LUZP2: variants seen among roughly 807,000 people sequenced by gnomAD.
LUZP2 encodes the protein leucine zipper protein 2.
Under a neutral mutation model 51.6 loss-of-function variants are expected in LUZP2, and 52 were observed. The ratio of observed to expected loss-of-function variants is 1.01; its 90% CI spans 0.81 to 1.27. The LOEUF is 1.27. Ranked by LOEUF, LUZP2 falls within the 50% of genes most tolerant of loss-of-function variation. LUZP2 has a pLI of 0.00. For synonymous variants in LUZP2, 154 were observed against 137.3 expected, an observed-to-expected ratio of 1.12 and a Z score of -0.85; for missense variants, 436 against 395.4, an observed-to-expected ratio of 1.10 and a Z score of -0.87.
At chr11:24,664,830 G>A (rs1035486353) in intron 1 of LUZP2, among the ~76,000 whole-genome samples, 2 of 152,278 alleles carry the variant, frequency 1.3e-5, no homozygotes, top group East Asian at 3.9e-4. Flanking sequence ...ATGCCTGGAT[G>A]TCCAGGCAGG....
At chr11:24,954,064 C>A (rs1010021110) in intron 7 of LUZP2, among the ~76,000 whole-genome samples, 1 of 151,808 alleles carries the variant, frequency 6.6e-6, no homozygotes, top group African/African-American at 2.4e-5. Context: ...TTTTCCCTGC[C>A]ACTCAGTAAT....
At chr11:25,064,961 C>G (rs1439656077) in intron 10 of LUZP2, among the ~76,000 whole-genome samples, 1 of 151,992 alleles carries the variant, frequency 6.6e-6, no homozygotes, top group Non-Finnish European at 1.5e-5. Flanking sequence ...GCATTTAAAA[C>G]CATAATCATA....
At chr11:24,766,825 G>A (rs539010237) in intron 5 of LUZP2, among the ~76,000 whole-genome samples, 34 of 152,224 alleles carry the variant, frequency 2.2e-4, no homozygotes, top group African/African-American at 8.2e-4. Context: ...GCAGTGGCGC[G>A]ATCTCAGCTC....
intron 5 of LUZP2, among the ~76,000 whole-genome samples, chr11:24,872,089 T>C (rs1852094765): frequency 1.3e-5 from 2 of 152,154 alleles, no homozygotes; most frequent in African/African-American, 2.4e-5. Context: ...CTGCATGTTA[T>C]GTATATTGTC....
At chr11:24,677,424 A>G (rs1460937102) in intron 1 of LUZP2, among the ~76,000 whole-genome samples, 1 of 152,186 alleles carries the variant, frequency 6.6e-6, no homozygotes, top group Non-Finnish European at 1.5e-5. Flanking sequence ...TCGTGTAGGT[A>G]TGGTAGATCT....
intron 9 of LUZP2, among the ~76,000 whole-genome samples, chr11:24,985,310 GT>G (rs1856158136): frequency 6.6e-6 from 1 of 151,546 alleles, no homozygotes. Context: ...TTGTTTCCTT[GT>G]TTGTTTTCTA....
chr11:24,826,190 A>AAAAATATATATATATATATATAT (rs1215786412), intron 5 of LUZP2, among the ~76,000 whole-genome samples: 3 of 67,548 alleles, frequency 4.4e-5, no homozygotes, highest in African/African-American at 1.2e-4. Context: ...AAAAAAAAAA[A>AAAAATATATATATATATATATAT]ATATATATAT....
chr11:24,742,905 A>G (rs887846992), intron 4 of LUZP2, among the ~76,000 whole-genome samples: 24 of 152,082 alleles, frequency 1.6e-4, no homozygotes, highest in African/African-American at 5.8e-4. Flanking sequence ...TCATTCTCCT[A>G]TATGTGGCTA....
chr11:24,517,964 C>T (rs894116404), intron 1 of LUZP2, among the ~76,000 whole-genome samples: 3 of 151,858 alleles, frequency 2.0e-5, no homozygotes, highest in Non-Finnish European at 4.4e-5. Flanking sequence ...ATGACATATT[C>T]CAGGGATTAT....
At chr11:24,651,166 A>T (rs1030714101) in intron 1 of LUZP2, among the ~76,000 whole-genome samples, 1 of 152,110 alleles carries the variant, frequency 6.6e-6, no homozygotes, top group African/African-American at 2.4e-5. Context: ...CTTCAGTAAC[A>T]TTACTCAGCT....
intron 5 of LUZP2, chr11:24,893,287 C>A (rs1361907495): frequency 6.6e-6 from 1 of 151,814 alleles, no homozygotes; most frequent in Non-Finnish European, 1.5e-5. Flanking sequence ...AAAAATCAGA[C>A]AGATTCGATT....
chr11:24,878,897 G>T (rs1054584912), intron 5 of LUZP2, among the ~76,000 whole-genome samples: 1 of 151,890 alleles, frequency 6.6e-6, no homozygotes, highest in Non-Finnish European at 1.5e-5. Flanking sequence ...TGTGGTAGTC[G>T]CTGAGGATGA....
At chr11:24,575,462 G>T (rs11028034) in intron 1 of LUZP2, among the ~76,000 whole-genome samples, 1 of 152,002 alleles carries the variant, frequency 6.6e-6, no homozygotes, top group South Asian at 2.1e-4. Context: ...TATTTCACTG[G>T]CTTGGTCTTG....
intron 5 of LUZP2, among the ~76,000 whole-genome samples, chr11:24,805,425 C>T (rs183660985): frequency 8.2e-4 from 124 of 152,120 alleles, no homozygotes; most frequent in Admixed American, 4.7e-3. Context: ...AGGTTGGCCA[C>T]GCTGGTCTCA....
At chr11:24,939,345 C>T (rs1325732307) in intron 7 of LUZP2, among the ~76,000 whole-genome samples, 3 of 151,866 alleles carry the variant, frequency 2.0e-5, no homozygotes, top group Non-Finnish European at 2.9e-5. Context: ...GGGAGAGGGT[C>T]TAGTTTGCAA....
intron 1 of LUZP2, among the ~76,000 whole-genome samples, chr11:24,515,692 C>T (rs1850442783): frequency 6.6e-6 from 1 of 152,048 alleles, no homozygotes; most frequent in Admixed American, 6.6e-5. Context: ...AAGAGAATAG[C>T]AATGTGAAAG....
At chr11:24,601,837 CAAAT>C (rs1853647941) in intron 1 of LUZP2, among the ~76,000 whole-genome samples, 1 of 144,030 alleles carries the variant, frequency 6.9e-6, no homozygotes, top group South Asian at 2.1e-4. Context: ...TAGTTTATCA[CAAAT>C]AAACAGGTAT....
chr11:24,728,351 A>G (rs1565102034), intron 1 of LUZP2, among the ~76,000 whole-genome samples: 1 of 151,912 alleles, frequency 6.6e-6, no homozygotes, highest in East Asian at 1.9e-4. Flanking sequence ...CAGATACAGT[A>G]TACTATTAAT....
intron 9 of LUZP2, among the ~76,000 whole-genome samples, chr11:25,026,200 GT>G (rs375291501): frequency 1.1e-4 from 16 of 151,870 alleles, no homozygotes; most frequent in African/African-American, 3.9e-4. Flanking sequence ...TACATAATGA[GT>G]TAATGGGTGC....
Sources: allele counts gnomAD v4.1 joint callset (sites outside exome capture counted in the v4.1 genomes callset), GRCh38; gene constraint gnomAD v4.1.1; transcripts MANE v1.5; gene names NCBI Gene and HGNC (gene_info 2026-07-23, HGNC 2026-07-21).